Variants in NDRG4 observed in about 807,000 individuals in gnomAD.
NDRG4 encodes the protein NDRG family member 4.
NDRG4 carries 38 observed loss-of-function variants against 55.8 expected under a neutral mutation model. The ratio of observed to expected loss-of-function variants is 0.68; its 90% CI spans 0.53 to 0.89. The LOEUF (loss-of-function observed/expected upper bound fraction) is 0.89. Ranked by LOEUF, NDRG4 falls within the 40% of genes least tolerant of loss-of-function variation. The pLI is 0.00. For missense variants in NDRG4, 455 were observed against 468.6 expected, an observed-to-expected ratio of 0.97 and a Z score of 0.27; for synonymous variants, 190 against 182.7, an observed-to-expected ratio of 1.04 and a Z score of -0.32.
rs900863815 is a variant in NDRG4 at position 58,512,052 on chromosome 16, G to T, written c.*476G>T. On this transcript the variant is annotated 3_prime_UTR_variant, in exon 15 of 15. Transcript: ENST00000570248. ...CACCTGTTTCTGTCTCATAGCACATGTGACAATCATCTGGACAACAGCCAC... is the reference window on the plus strand; with the variant it reads ...CACCTGTTTCTGTCTCATAGCACATTTGACAATCATCTGGACAACAGCCAC... 15 of 457,378 alleles carry T rather than the reference G, an allele frequency of 3.3e-5. No homozygotes were observed. The highest frequency in any genetic ancestry group is 1.4e-4 in the Admixed American group (6 of 42,568). 28.3% of individuals were successfully genotyped at this position (457,378 alleles called of 1,614,324 possible). A position where few individuals can be genotyped will look rare whatever the true frequency, so the allele number is the denominator to read the frequency against.
At chr16:58,483,777 A>G (rs1052760956) in intron 1 of NDRG4, among the ~76,000 whole-genome samples, 2 of 152,218 alleles carry the variant, frequency 1.3e-5, no homozygotes, top group Non-Finnish European at 2.9e-5. Context: ...TTTAAAAGGC[A>G]TTTTAGGCTG....
In NDRG4 at chr16:58,513,168, ATG is replaced by A. The variant is rs60858251; in HGVS notation, c.*1620_*1621del. On this transcript the variant is annotated 3_prime_UTR_variant, in exon 15 of 15. Transcript: ENST00000570248. ...GTATCTATAAATATCTATACATTATATGTGTGTGTGTGTGTGTGTGTGTGTGT... is the reference window on the plus strand; with the variant it reads ...GTATCTATAAATATCTATACATTATATGTGTGTGTGTGTGTGTGTGTGTGT... The A allele has an allele frequency of 1.8e-3, 276 of 150,256 alleles. No individual in the cohort carries two copies. Among genetic ancestry groups the A allele is most frequent in the Non-Finnish European group, 2.3e-3 (158 of 67,532 alleles). The allele number at this position is 150,256 out of a possible 1,614,324, so 9.3% of individuals were successfully genotyped here. A position where few individuals can be genotyped will look rare whatever the true frequency, so the allele number is the denominator to read the frequency against.
chr16:58,504,084 C>T, intron 2 of NDRG4, 70 bp from the exon 3 acceptor site: 2 of 1,604,334 alleles, frequency 1.2e-6, no homozygotes. Context: ...TGCCTGCCCT[C>T]TGGGGGCCCG....
chr16:58,511,351 G>C (rs2038780957), intron 14 of NDRG4, 71 bp from the exon 15 acceptor site: 5 of 1,494,658 alleles, frequency 3.3e-6, no homozygotes, highest in Non-Finnish European at 4.5e-6. Context: ...TTTGCTTGCA[G>C]CCTACTTTTC....
intron 1 of NDRG4, among the ~76,000 whole-genome samples, chr16:58,477,680 AG>A (rs1339428556): frequency 1.4e-5 from 2 of 144,756 alleles, no homozygotes; most frequent in Non-Finnish European, 3.1e-5. Flanking sequence ...TTTCCTCAGC[AG>A]GAAAAAAAAA....
chr16:58,489,940 G>A (rs1170925507), intron 2 of NDRG4, among the ~76,000 whole-genome samples: 2 of 152,020 alleles, frequency 1.3e-5, no homozygotes, highest in Non-Finnish European at 2.9e-5. Context: ...AACTTCCTGG[G>A]CTCAAGTGAT....
chr16:58,482,705 C>CTTCCTTCCTCCCTCCG (rs1567580773), intron 1 of NDRG4, among the ~76,000 whole-genome samples: 1 of 34,832 alleles, frequency 2.9e-5, no homozygotes, highest in Non-Finnish European at 1.3e-4. Flanking sequence ...TCCTCCCTCC[C>CTTCCTTCCTCCCTCCG]TCCTTTCCTT....
intron 1 of NDRG4, among the ~76,000 whole-genome samples, chr16:58,465,520 C>T (rs958136174): frequency 1.5e-4 from 20 of 133,782 alleles, no homozygotes; most frequent in Admixed American, 5.3e-4. Context: ...GGTATGGAGG[C>T]TGAATGGCCT....
In NDRG4 at chr16:58,511,520, T is replaced by G. The variant is rs755497938; in HGVS notation, c.1003T>G (p.Ser335Ala). 5.0e-6 allele frequency: 8 copies of G among 1,612,794 alleles called. No individual in the cohort carries two copies. The Admixed American group carries it at 1.3e-4, about 27-fold the overall frequency. Residue 335 changes from serine (S) to alanine (A), a missense_variant, in exon 15 of 15, where the codon TCA becomes GCA. Coordinates refer to ENST00000570248, the MANE Select transcript of NDRG4 (RefSeq NM_001242835.2). ...DGSRPQACTHSESSEGLGQVN... is the reference protein window; with the variant it reads ...DGSRPQACTHAESSEGLGQVN... ...CAGCCGCCCACAGGCCTGCACCCAC[T>G]CAGAGAGCAGCGAGGGGCTGGGCCA...
rs1200516032 is a variant in NDRG4, at chr16:58,512,207, G to C, written c.*631G>C. 1 of 424,146 alleles carries C rather than the reference G, an allele frequency of 2.4e-6. No individual in the cohort carries two copies. Among genetic ancestry groups the C allele is most frequent in the Non-Finnish European group, 4.7e-6 (1 of 212,048 alleles). 26.3% of individuals were successfully genotyped at this position (424,146 alleles called of 1,614,324 possible). Reference sequence around the variant, plus strand: ...GAAGACAGAACATGGAGAACCGTCAGGGCAGGAACCCCACAGACTGTCCCT... The same window carrying C: ...GAAGACAGAACATGGAGAACCGTCACGGCAGGAACCCCACAGACTGTCCCT... On this transcript the variant is annotated 3_prime_UTR_variant, in exon 15 of 15. Coordinates refer to ENST00000570248, the MANE Select transcript of NDRG4 (RefSeq NM_001242835.2).
chr16:58,465,184 T>C (rs1341990963), intron 1 of NDRG4: 5 of 1,106,042 alleles, frequency 4.5e-6, no homozygotes, highest in Non-Finnish European at 6.1e-6. Context: ...TTCCTCCAGC[T>C]CTGGGACTTA....
intron 2 of NDRG4, among the ~76,000 whole-genome samples, chr16:58,492,771 C>T (rs1037419354): frequency 2.0e-5 from 3 of 152,048 alleles, no homozygotes; most frequent in African/African-American, 7.3e-5. Flanking sequence ...AGATAATTGC[C>T]CTCTTAAGGT....
upstream of NDRG4, chr16:58,499,842 C>A: frequency 2.9e-6 from 1 of 343,846 alleles, no homozygotes; most frequent in South Asian, 2.4e-5. Context: ...GTGGTCTCGG[C>A]TTTTGTATTC....
At chr16:58,492,606 A>G (rs760402271) in intron 2 of NDRG4, among the ~76,000 whole-genome samples, 1 of 149,028 alleles carries the variant, frequency 6.7e-6, no homozygotes, top group Admixed American at 6.8e-5. Flanking sequence ...TAGTGCCACA[A>G]TCTTAGCTCA....
upstream of NDRG4, among the ~76,000 whole-genome samples, chr16:58,495,931 G>A (rs527313688): frequency 6.6e-6 from 1 of 152,186 alleles, no homozygotes; most frequent in African/African-American, 2.4e-5. Context: ...GGAGGGAAGT[G>A]GTCGGGAGCT....
chr16:58,474,511 C>T (rs1230385151), intron 1 of NDRG4, among the ~76,000 whole-genome samples: 1 of 152,154 alleles, frequency 6.6e-6, no homozygotes, highest in Non-Finnish European at 1.5e-5. Flanking sequence ...CAGGTGGCTT[C>T]TCACTCTTAC....
At chr16:58,482,839 C>T (rs2034628738) in intron 1 of NDRG4, among the ~76,000 whole-genome samples, 1 of 151,302 alleles carries the variant, frequency 6.6e-6, no homozygotes, top group Non-Finnish European at 1.5e-5. Flanking sequence ...TGCTATGTCA[C>T]CCAGTGGAGT....
intron 1 of NDRG4, among the ~76,000 whole-genome samples, chr16:58,481,059 C>T (rs2034327820): frequency 6.6e-6 from 1 of 151,656 alleles, no homozygotes; most frequent in African/African-American, 2.4e-5. Context: ...ATATGAGCTC[C>T]AGACCTGGAC....
At chr16:58,485,354 G>A (rs118150821) in intron 1 of NDRG4, among the ~76,000 whole-genome samples, 15,353 of 151,984 alleles carry the variant, frequency 0.1, 1,038 homozygotes, top group Non-Finnish European at 0.14. Flanking sequence ...CCCCTTCCCC[G>A]CCACCACCTC....
Sources: allele counts gnomAD v4.1 joint callset (sites outside exome capture counted in the v4.1 genomes callset), GRCh38; gene constraint gnomAD v4.1.1; transcripts MANE v1.5; gene names NCBI Gene and HGNC (gene_info 2026-07-23, HGNC 2026-07-21).